Variants in SNX12 observed in about 807,000 individuals in gnomAD.
SNX12 encodes sorting nexin 12, also known as sorting nexin-12.
For missense variants in SNX12, 62 were observed against 141.3 expected, an observed-to-expected ratio of 0.44 and a Z score of 2.84; for synonymous variants, 47 against 56.0, an observed-to-expected ratio of 0.84 and a Z score of 0.71.
upstream of SNX12, among the ~76,000 whole-genome samples, chrX:71,070,832 G>T (rs1158510058): frequency 1.8e-5 from 2 of 111,295 alleles, no homozygotes; most frequent in Non-Finnish European, 3.8e-5. Flanking sequence ...GAAGAAACTT[G>T]TAATACTGGT....
At chrX:71,062,671 C>A (rs1431632779) in intron 2 of SNX12, among the ~76,000 whole-genome samples, 183 bp downstream of exon 2, 2 of 111,999 alleles carry the variant, frequency 1.8e-5, no homozygotes, top group Non-Finnish European at 3.8e-5. Context: ...CTGTGCCCAG[C>A]CAGAACTTAC....
chrX:71,071,677 A>G (rs1162345865), upstream of SNX12, among the ~76,000 whole-genome samples: 8 of 62,744 alleles, frequency 1.3e-4, no homozygotes, highest in African/African-American at 5.0e-4. Flanking sequence ...ATTTATATAT[A>G]AATATATTTA....
chrX:71,071,763 T>C (rs1408701696), upstream of SNX12, among the ~76,000 whole-genome samples: 4 of 84,628 alleles, frequency 4.7e-5, no homozygotes, highest in Admixed American at 1.7e-4. Flanking sequence ...ATTATTTATA[T>C]ATAATTTTTA....
chrX:71,071,663 A>C (rs1471294271), upstream of SNX12, among the ~76,000 whole-genome samples: 31 of 57,713 alleles, frequency 5.4e-4, no homozygotes, highest in African/African-American at 2.0e-3. Flanking sequence ...CATTATATAT[A>C]ATTATTTATA....
chrX:71,068,296 G>A lies in SNX12; in HGVS notation c.11C>T (p.Thr4Met), dbSNP rs867528667. MSD[T>M]AVADTRRLNS... ...AAGGCGCCGGGTATCAGCTACTGCC[G>A]TGTCCGACATCTTTCCGAAGGAGAG... Residue 4 changes from threonine to methionine, a missense_variant, in exon 1 of 4, where the codon ACG becomes ATG. Transcript: ENST00000374274. 1.7e-6 allele frequency: 2 copies of A among 1,199,698 alleles called. No homozygotes were observed. The highest frequency in any genetic ancestry group is 1.8e-5 in the South Asian group (1 of 55,208).
chrX:71,071,808 G>A (rs979737370), upstream of SNX12, among the ~76,000 whole-genome samples: 2 of 92,408 alleles, frequency 2.2e-5, no homozygotes, highest in African/African-American at 4.0e-5. Context: ...ATGTAGCAGC[G>A]GTTACCTCTG....
chrX:71,061,205 G>T, intron 3 of SNX12, 87 bp from the exon 4 acceptor site: 1 of 761,472 alleles, frequency 1.3e-6, no homozygotes, highest in Non-Finnish European at 2.0e-6. Context: ...GGGAAGAAGG[G>T]CAAGGTCAGC....
In SNX12 at chrX:71,061,013, C is replaced by A; in HGVS notation, c.*3G>T. ...AGTAGAGGGCAGGTGGTGAGAGGGG[C>A]TCCTACTGGCGCACCTTCCCCGGGA... On this transcript the variant is annotated 3_prime_UTR_variant, in exon 4 of 4. Coordinates refer to ENST00000374274, the MANE Select transcript of SNX12 (RefSeq NM_013346.4). 8.4e-7 allele frequency: 1 copy of A among 1,190,075 alleles called. No homozygotes were observed. Among genetic ancestry groups the A allele is most frequent in the Non-Finnish European group, 1.1e-6 (1 of 877,756 alleles).
upstream of SNX12, chrX:71,068,466 C>G: frequency 2.8e-6 from 1 of 360,269 alleles, no homozygotes; most frequent in South Asian, 7.3e-5. Context: ...CCGCACGGGC[C>G]TGGGCCCCGG....
intron 1 of SNX12, among the ~76,000 whole-genome samples, chrX:71,065,357 CA>C (rs34405331): frequency 0.01 from 581 of 56,105 alleles, 4 homozygotes; most frequent in Middle Eastern, 0.026. Flanking sequence ...GACTTTGTCT[CA>C]AAAAAAAAAA....
chrX:71,062,795 C>A, intron 2 of SNX12, 59 bp downstream of exon 2: 1 of 739,695 alleles, frequency 1.4e-6, no homozygotes, highest in Non-Finnish European at 2.1e-6. Context: ...GGTTGTATGC[C>A]CACTCAGCCT....
In SNX12 at chrX:71,060,122, G is replaced by A. The variant is rs112274301; in HGVS notation, c.*894C>T. 4 of 111,925 alleles carry A rather than the reference G, an allele frequency of 3.6e-5. No individual in the cohort carries two copies. The highest frequency in any genetic ancestry group is 6.5e-5 in the African/African-American group (2 of 30,784). The allele number at this position is 111,925 out of a possible 1,213,427, so 9.2% of individuals were successfully genotyped here. A position where few individuals can be genotyped will look rare whatever the true frequency, so the allele number is the denominator to read the frequency against. On this transcript the variant is annotated 3_prime_UTR_variant, in exon 4 of 4. Coordinates refer to ENST00000374274, the MANE Select transcript of SNX12 (RefSeq NM_013346.4). ...CAGTGTTGATGCCCTTCCCTACCGCGGGTAAGAGCCTAGAAGATAATCCAC... is the reference window on the plus strand; with the variant it reads ...CAGTGTTGATGCCCTTCCCTACCGCAGGTAAGAGCCTAGAAGATAATCCAC...
At chrX:71,068,454 C>T (rs921163113), upstream of SNX12, 131 of 421,735 alleles carry the variant, frequency 3.1e-4, no homozygotes, top group East Asian at 9.0e-5. Flanking sequence ...CGCACGCGCA[C>T]GCCGCACGGG....
intron 1 of SNX12, among the ~76,000 whole-genome samples, chrX:71,066,840 T>C (rs2092155664): frequency 9.0e-6 from 1 of 111,460 alleles, no homozygotes. Flanking sequence ...ATAGTTCTTA[T>C]ATAGACAAGT....
upstream of SNX12, chrX:71,068,363 C>A (rs914574977): frequency 2.0e-6 from 2 of 1,018,840 alleles, no homozygotes; most frequent in African/African-American, 3.8e-5. Flanking sequence ...AGGCCTGAGG[C>A]AGGAGCGCGC....
upstream of SNX12, among the ~76,000 whole-genome samples, chrX:71,072,598 T>C (rs1038386942): frequency 2.7e-5 from 3 of 111,546 alleles, no homozygotes; most frequent in African/African-American, 9.8e-5. Flanking sequence ...AAAGAAATGT[T>C]GTAGCTAGAG....
chrX:71,062,823 C>CA, intron 2 of SNX12, 31 bp downstream of exon 2: 13 of 1,061,178 alleles, frequency 1.2e-5, no homozygotes, highest in Non-Finnish European at 1.7e-5. Context: ...GCTCCTCCTC[C>CA]AAAGATGCCA....
rs768507329 is a variant in SNX12, at chrX:71,067,005, C to A, written c.165+1137G>T. On this transcript the variant is annotated intron_variant, in intron 1 of 3. Transcript: ENST00000374274. ...ACTCCTTCAACAATGAAAGCACATA[C>A]ACTCTTTTAGTTCTTCAATGCTGTT... is the stretch of plus-strand genomic sequence containing the variant. Among the ~76,000 whole-genome samples the A allele has an allele frequency of 9.8e-5, 11 of 112,583 alleles. 1 individual carries two copies. In the South Asian group the frequency reaches 2.9e-3, roughly 30 times the overall value.
chrX:71,063,023 G>C (rs1427185109), intron 1 of SNX12, 74 bp from the exon 2 acceptor site: 2 of 645,724 alleles, frequency 3.1e-6, no homozygotes, highest in Non-Finnish European at 4.9e-6. Context: ...TGAGTAACTT[G>C]GACAGGTCCC....
Sources: allele counts gnomAD v4.1 joint callset (sites outside exome capture counted in the v4.1 genomes callset), GRCh38; gene constraint gnomAD v4.1.1; transcripts MANE v1.5; gene names NCBI Gene and HGNC (gene_info 2026-07-23, HGNC 2026-07-21).